The following CACNA2D3 variants were observed in gnomAD, a reference collection of about 807,000 sequenced individuals.
The protein encoded by CACNA2D3 is calcium voltage-gated channel auxiliary subunit alpha2delta 3, also known as voltage-dependent calcium channel subunit alpha-2/delta-3.
A neutral mutation model predicts 160.6 loss-of-function variants in CACNA2D3; 60 were observed. That is an observed-to-expected ratio of 0.37 (90% CI 0.30 to 0.46). The LOEUF is 0.46. CACNA2D3 is among the 20% of genes least tolerant of loss of function. The pLI, the probability that CACNA2D3 is intolerant of heterozygous loss-of-function variation, is 1.00. For synonymous variants in CACNA2D3, 558 were observed against 492.9 expected (o/e 1.13, Z -1.75); for missense variants, 1,205 against 1,365.0 (o/e 0.88, Z 1.85).
intron 11 of CACNA2D3, among the ~76,000 whole-genome samples, chr3:54,667,763 A>G (rs1700092369): frequency 6.6e-6 from 1 of 152,108 alleles, no homozygotes; most frequent in Admixed American, 6.5e-5. Context: ...TGTGTAACAT[A>G]GGGAGACCCA....
intron 35 of CACNA2D3, among the ~76,000 whole-genome samples, chr3:55,072,327 TTCATGGATCATTC>T (rs139046543): frequency 0.014 from 2,181 of 152,286 alleles, 52 homozygotes; most frequent in African/African-American, 0.049. Context: ...CTGAGAGGCA[TTCATGGATCATTC>T]TCATGGATCA....
At chr3:54,818,520 T>C (rs1317060612) in intron 14 of CACNA2D3, among the ~76,000 whole-genome samples, 1 of 152,202 alleles carries the variant, frequency 6.6e-6, no homozygotes, top group Non-Finnish European at 1.5e-5. Context: ...CAACACAGAA[T>C]ACAGAAGAAC....
At chr3:55,055,171 C>T (rs1177257569) in intron 35 of CACNA2D3, among the ~76,000 whole-genome samples, 1 of 151,990 alleles carries the variant, frequency 6.6e-6, no homozygotes. Flanking sequence ...GTGTTTTCTG[C>T]TAGTAGTTTT....
intron 9 of CACNA2D3, among the ~76,000 whole-genome samples, chr3:54,590,361 A>G (rs1702835763): frequency 6.6e-6 from 1 of 152,232 alleles, no homozygotes; most frequent in South Asian, 2.1e-4. Context: ...CATTCACATT[A>G]CTTTCTTGAA....
rs560644686 is a variant in CACNA2D3 at position 54,448,238 on chromosome 3, C to A, written c.382-55254C>A. On this transcript the variant is annotated intron_variant, in intron 4 of 37. Transcript: ENST00000474759. ...GCAGCTCAACATAAAGGTCTCCAAA[C>A]TGAGGCTCATTGCCTCTGAATGGCC... Among the ~76,000 whole-genome samples, 433 of 152,272 alleles carry A rather than the reference C, an allele frequency of 2.8e-3. 1 individual carries two copies. The highest frequency in any genetic ancestry group is 6.2e-3 in the Admixed American group (95 of 15,298).
rs528191889 is a variant in CACNA2D3 at position 54,402,602 on chromosome 3, A to G, written c.381+15828A>G. Among the ~76,000 whole-genome samples the G allele has an allele frequency of 3.9e-5, 6 of 152,314 alleles. No individual in the cohort carries two copies. In the East Asian group the frequency reaches 7.7e-4, roughly 20 times the overall value. ...AAGAGGACATAATGTCTGTAAATAT[A>G]TATGCACCCAATCTGAGAGCACCTA... On this transcript the variant is annotated intron_variant, in intron 4 of 37. Transcript: ENST00000474759.
chr3:54,944,337 A>G (rs1039225313), intron 27 of CACNA2D3, among the ~76,000 whole-genome samples: 2 of 151,986 alleles, frequency 1.3e-5, no homozygotes, highest in African/African-American at 2.4e-5. Context: ...CCCAACATAT[A>G]TCTTTCTACT....
chr3:54,670,619 C>T (rs577615257), intron 11 of CACNA2D3, among the ~76,000 whole-genome samples: 4 of 152,080 alleles, frequency 2.6e-5, no homozygotes, highest in Non-Finnish European at 5.9e-5. Context: ...TGGAATGAAG[C>T]CATTTATGAG....
Position 54,508,523 on chromosome 3 carries a change from A to G in CACNA2D3, c.544+4869A>G, listed in dbSNP as rs146202493. Among the ~76,000 whole-genome samples, 145 of 152,362 alleles carry G rather than the reference A, an allele frequency of 9.5e-4. No homozygotes were observed. The Middle Eastern group carries it at 0.02, about 21-fold the overall frequency. Reference sequence around the variant, plus strand: ...ACCCAGCACATGGTAGATGCTCAATAAATACTTATTGCAAGGTAAGGGAAT... The same window carrying G: ...ACCCAGCACATGGTAGATGCTCAATGAATACTTATTGCAAGGTAAGGGAAT... On this transcript the variant is annotated intron_variant, in intron 5 of 37. Transcript: ENST00000474759.
intron 35 of CACNA2D3, among the ~76,000 whole-genome samples, chr3:55,058,612 A>G (rs2107217254): frequency 6.6e-6 from 1 of 151,808 alleles, no homozygotes; most frequent in Non-Finnish European, 1.5e-5. Context: ...TAGTTTTAAA[A>G]ATACATATAT....
chr3:54,216,188 G>A (rs73087926), intron 2 of CACNA2D3, among the ~76,000 whole-genome samples: 2,996 of 152,118 alleles, frequency 0.02, 69 homozygotes, highest in East Asian at 0.11. Context: ...AGCACAGTTC[G>A]AGAAGCCTGA....
At chr3:54,232,667 G>A (rs564078403) in intron 2 of CACNA2D3, among the ~76,000 whole-genome samples, 36 of 152,178 alleles carry the variant, frequency 2.4e-4, no homozygotes, top group African/African-American at 8.2e-4. Context: ...GTTTTTCCCT[G>A]TGTGGCTCTT....
chr3:54,386,065 G>T, intron 3 of CACNA2D3: 1 of 427,694 alleles, frequency 2.3e-6, no homozygotes, highest in Non-Finnish European at 4.6e-6. Flanking sequence ...GGTTTCATAA[G>T]AATATTAATG....
chr3:54,788,533 G>A (rs1702684505), intron 13 of CACNA2D3, among the ~76,000 whole-genome samples: 1 of 152,186 alleles, frequency 6.6e-6, no homozygotes, highest in South Asian at 2.1e-4. Flanking sequence ...ATGAGGAGTG[G>A]AAAGCCTGGG....
At chr3:54,590,313 A>T (rs1207337322) in intron 9 of CACNA2D3, among the ~76,000 whole-genome samples, 1 of 152,230 alleles carries the variant, frequency 6.6e-6, no homozygotes, top group African/African-American at 2.4e-5. Context: ...GTGAAAAATA[A>T]AAAAGCCAAT....
intron 2 of CACNA2D3, among the ~76,000 whole-genome samples, chr3:54,153,698 G>A (rs184349877): frequency 6.6e-6 from 1 of 152,320 alleles, no homozygotes; most frequent in East Asian, 1.9e-4. Flanking sequence ...GAAGACTGGT[G>A]TGTGTGTATG....
intron 2 of CACNA2D3, among the ~76,000 whole-genome samples, chr3:54,305,380 C>T (rs956316677): frequency 2.0e-5 from 3 of 152,204 alleles, no homozygotes; most frequent in African/African-American, 4.8e-5. Flanking sequence ...TTTACCTTTC[C>T]TCAGTCCATT....
Position 54,570,684 on chromosome 3 carries a change from G to A in CACNA2D3, c.888+580G>A, listed in dbSNP as rs548443456. On this transcript the variant is annotated intron_variant, in intron 8 of 37. Transcript: ENST00000474759. ...TGGTTTTTCACAGCAAGTCTAGGAG[G>A]TAGGGGGTGGTTTGGGCATATTCTC... Among the ~76,000 whole-genome samples the A allele has an allele frequency of 1.2e-4, 19 of 152,130 alleles. No homozygotes were observed. In the East Asian group the frequency reaches 3.5e-3, roughly 28 times the overall value.
In CACNA2D3 at chr3:54,427,062, G is replaced by A. The variant is rs563734806; in HGVS notation, c.381+40288G>A. 6.1e-5 allele frequency among the ~76,000 whole-genome samples: 9 copies of A among 148,282 alleles called. No homozygotes were observed. In the South Asian group the frequency reaches 1.9e-3, roughly 32 times the overall value. On this transcript the variant is annotated intron_variant, in intron 4 of 37. Coordinates refer to ENST00000474759, the MANE Select transcript of CACNA2D3 (RefSeq NM_018398.3). Reference sequence around the variant, plus strand: ...ACCCACCATTCTTTCCTTTCTTTATGTTCTGCGTACCCTTTCTGTGTTTTG... The same window carrying A: ...ACCCACCATTCTTTCCTTTCTTTATATTCTGCGTACCCTTTCTGTGTTTTG...
Sources: gnomAD v4.1 joint callset for allele counts (sites outside exome capture counted in the v4.1 genomes callset) on GRCh38, gnomAD v4.1.1 for gene constraint, MANE v1.5 for transcripts, NCBI Gene and HGNC (gene_info 2026-07-23, HGNC 2026-07-21) for gene names.